GRB10: variants seen among roughly 807,000 people sequenced by gnomAD.
The protein encoded by GRB10 is growth factor receptor bound protein 10.
GRB10 carries 20 observed loss-of-function variants against 80.9 expected under a neutral mutation model. The ratio of observed to expected loss-of-function variants is 0.25; its 90% confidence interval spans 0.17 to 0.36. The LOEUF is 0.36. Ranked by LOEUF, GRB10 falls within the 10% of genes least tolerant of loss-of-function variation. The pLI is 1.00. For synonymous variants in GRB10, 291 were observed against 291.5 expected (o/e 1.00, Z 0.02); for missense variants, 548 against 747.7 (o/e 0.73, Z 3.12).
rs932225645 is a variant in GRB10 at position 50,654,492 on chromosome 7, G to T, written c.504+15230C>A. Among the ~76,000 whole-genome samples the T allele has an allele frequency of 2.0e-5, 3 of 152,340 alleles. No homozygotes were observed. The South Asian group carries it at 6.2e-4, about 32-fold the overall frequency. On this transcript the variant is annotated intron_variant, in intron 7 of 18. Coordinates refer to ENST00000401949, the MANE Select transcript of GRB10 (RefSeq NM_001350814.2). ...GAATTACTGTGGGATGACCTGGTCA[G>T]TTCTGTTTTCTGTGAGGTTTCTCCT...
At chr7:50,621,025 C>T (rs1217859249) in intron 8 of GRB10, among the ~76,000 whole-genome samples, 1 of 152,124 alleles carries the variant, frequency 6.6e-6, no homozygotes, top group Non-Finnish European at 1.5e-5. Flanking sequence ...TGATAGCTAC[C>T]TAAATGAGGA....
At chr7:50,768,818 G>A (rs569605032) in intron 2 of GRB10, among the ~76,000 whole-genome samples, 6 of 152,342 alleles carry the variant, frequency 3.9e-5, no homozygotes, top group Non-Finnish European at 8.8e-5. Context: ...AGCTGTTGAT[G>A]AGGCCCACAG....
chr7:50,636,412 C>T (rs2055032281), intron 7 of GRB10, among the ~76,000 whole-genome samples: 2 of 152,134 alleles, frequency 1.3e-5, no homozygotes, highest in African/African-American at 4.8e-5. Context: ...CGAAATCAGG[C>T]AAGGACACAA....
intron 3 of GRB10, among the ~76,000 whole-genome samples, chr7:50,742,256 C>T (rs1482157013): frequency 5.2e-4 from 14 of 26,824 alleles, no homozygotes; most frequent in Non-Finnish European, 1.2e-3. Flanking sequence ...TGTAAACACA[C>T]GCGCACGCGC....
intron 2 of GRB10, among the ~76,000 whole-genome samples, chr7:50,773,805 A>G (rs1428049105): frequency 1.3e-5 from 2 of 152,386 alleles, no homozygotes; most frequent in Admixed American, 1.3e-4. Context: ...GTCCATCAAC[A>G]GTTGAATAAA....
At chr7:50,738,481 C>T (rs1236036719) in intron 3 of GRB10, among the ~76,000 whole-genome samples, 1 of 152,214 alleles carries the variant, frequency 6.6e-6, no homozygotes, top group Non-Finnish European at 1.5e-5. Context: ...CTCTGTCACT[C>T]AGGCTGGAGA....
chr7:50,665,177 T>C (rs1265333542), intron 7 of GRB10, among the ~76,000 whole-genome samples: 1 of 152,202 alleles, frequency 6.6e-6, no homozygotes, highest in African/African-American at 2.4e-5. Context: ...CTATGCACTC[T>C]CCCAGAGCAA....
intron 5 of GRB10, among the ~76,000 whole-genome samples, chr7:50,700,491 T>C (rs1419319311): frequency 6.6e-6 from 1 of 152,232 alleles, no homozygotes; most frequent in East Asian, 1.9e-4. Flanking sequence ...ATTTTGTTCC[T>C]ATTGGTACTC....
chr7:50,627,567 C>T (rs748232056), intron 7 of GRB10, among the ~76,000 whole-genome samples: 11 of 152,176 alleles, frequency 7.2e-5, no homozygotes, highest in Non-Finnish European at 1.5e-4. Context: ...TCACAAGATT[C>T]TTTAGCCCCT....
At chr7:50,617,342 T>C (rs2050833382) in intron 10 of GRB10, among the ~76,000 whole-genome samples, 1 of 152,238 alleles carries the variant, frequency 6.6e-6, no homozygotes, top group African/African-American at 2.4e-5. Context: ...TAGTTTCTCT[T>C]ACATGTAATG....
At chr7:50,687,467 C>T (rs564873401) in intron 5 of GRB10, among the ~76,000 whole-genome samples, 20 of 152,332 alleles carry the variant, frequency 1.3e-4, no homozygotes, top group East Asian at 3.9e-4. Flanking sequence ...GGAAGTGCAG[C>T]GAATTCAACG....
chr7:50,741,887 G>C (rs1429335527), intron 3 of GRB10, among the ~76,000 whole-genome samples: 1 of 151,810 alleles, frequency 6.6e-6, no homozygotes, highest in Non-Finnish European at 1.5e-5. Context: ...TCTCTTAAAT[G>C]TATAGTCAAA....
At chr7:50,658,766 A>G (rs1165760952) in intron 7 of GRB10, among the ~76,000 whole-genome samples, 2 of 152,170 alleles carry the variant, frequency 1.3e-5, no homozygotes, top group Non-Finnish European at 2.9e-5. Context: ...GGGATTTCAC[A>G]TAAGATTCCT....
intron 7 of GRB10, among the ~76,000 whole-genome samples, chr7:50,654,742 A>G (rs768041451): frequency 6.6e-6 from 1 of 152,134 alleles, no homozygotes; most frequent in Non-Finnish European, 1.5e-5. Context: ...CGCTTTATCA[A>G]ATTCCCATTC....
intron 13 of GRB10, among the ~76,000 whole-genome samples, chr7:50,608,927 C>T (rs901489719): frequency 6.8e-6 from 1 of 147,096 alleles, no homozygotes; most frequent in Non-Finnish European, 1.5e-5. Context: ...CTCATGCCAC[C>T]GTACTCCAGC....
Position 50,712,852 on chromosome 7 carries a change from T to A in GRB10, c.52-8944A>T, listed in dbSNP as rs761954390. On this transcript the variant is annotated intron_variant, in intron 4 of 18. Coordinates refer to ENST00000401949, the MANE Select transcript of GRB10 (RefSeq NM_001350814.2). ...TGAGATATAAATTACATAACATAAATTTCATCTGTTGGAAGTGTACAAACC... is the reference window on the plus strand; with the variant it reads ...TGAGATATAAATTACATAACATAAAATTCATCTGTTGGAAGTGTACAAACC... Among the ~76,000 whole-genome samples, 86 of 152,332 alleles carry A rather than the reference T, an allele frequency of 5.6e-4. 1 individual carries two copies. Among genetic ancestry groups the A allele is most frequent in the Middle Eastern group, 3.4e-3 (1 of 294 alleles).
At chr7:50,604,540 T>A (rs2048184543) in intron 15 of GRB10, among the ~76,000 whole-genome samples, 163 bp from the exon 16 acceptor site, 1 of 151,994 alleles carries the variant, frequency 6.6e-6, no homozygotes, top group Non-Finnish European at 1.5e-5. Context: ...AACAAAGAGC[T>A]CAGGGTTCCC....
chr7:50,710,920 T>C (rs2065799257), intron 4 of GRB10: 3 of 1,612,206 alleles, frequency 1.9e-6, no homozygotes, highest in African/African-American at 1.3e-5. Flanking sequence ...GAGGTCTCTC[T>C]CTCCCTCTCT....
intron 8 of GRB10, among the ~76,000 whole-genome samples, chr7:50,626,569 C>T (rs569316713): frequency 6.6e-6 from 1 of 152,298 alleles, no homozygotes; most frequent in South Asian, 2.1e-4. Context: ...CAGGGAACCT[C>T]GCCATGTCTG....
Sources: gnomAD v4.1 joint callset for allele counts (sites outside exome capture counted in the v4.1 genomes callset) on GRCh38, gnomAD v4.1.1 for gene constraint, MANE v1.5 for transcripts, NCBI Gene and HGNC (gene_info 2026-07-23, HGNC 2026-07-21) for gene names.